MYH13: variants seen among roughly 807,000 people sequenced by gnomAD.
The protein encoded by MYH13 is myosin-13.
Under a neutral mutation model 232.1 loss-of-function variants are expected in MYH13, and 177 were observed. The ratio of observed to expected loss-of-function variants is 0.76; its 90% CI spans 0.67 to 0.86. The LOEUF is 0.86. MYH13 is among the 40% of genes least tolerant of loss of function. The pLI is 0.00. For synonymous variants in MYH13, 884 were observed against 923.5 expected (o/e 0.96, Z 0.78); for missense variants, 2,246 against 2,405.9 (o/e 0.93, Z 1.39).
chr17:10,345,689 T>C, intron 13 of MYH13, 73 bp from the exon 14 acceptor site: 1 of 1,610,188 alleles, frequency 6.2e-7, no homozygotes, highest in Non-Finnish European at 8.5e-7. Flanking sequence ...ACATATGAAA[T>C]TGACTCGAAA....
intron 40 of MYH13, 26 bp downstream of exon 40, chr17:10,301,543 C>T (rs750891514): frequency 8.1e-6 from 13 of 1,613,646 alleles, no homozygotes; most frequent in African/African-American, 6.7e-5. Context: ...TTAGCTGGCC[C>T]CTATATCTCA....
chr17:10,367,986 G>A (rs1020720864), intron 2 of MYH13, among the ~76,000 whole-genome samples: 6 of 152,242 alleles, frequency 3.9e-5, no homozygotes, highest in Admixed American at 1.3e-4. Flanking sequence ...TAAACATTTT[G>A]TACTCTGTTA....
chr17:10,338,702 T>TTTTTTTTG (rs1555550859), intron 18 of MYH13, among the ~76,000 whole-genome samples: 2 of 142,448 alleles, frequency 1.4e-5, no homozygotes, highest in Non-Finnish European at 3.0e-5. Context: ...TTTTTTTTTT[T>TTTTTTTTG]TTTGTTTGTT....
intron 23 of MYH13, among the ~76,000 whole-genome samples, chr17:10,323,806 A>G (rs1201605817): frequency 6.1e-5 from 9 of 147,820 alleles, no homozygotes; most frequent in African/African-American, 1.8e-4. Context: ...GAAGAAGAAG[A>G]AGAAGAAGAA....
At chr17:10,320,116 G>T in intron 26 of MYH13, 37 bp downstream of exon 26, 2 of 1,502,646 alleles carry the variant, frequency 1.3e-6, no homozygotes, top group East Asian at 2.4e-5. Context: ...CTCTTGCAAA[G>T]GGATTGTCAT....
intron 23 of MYH13, among the ~76,000 whole-genome samples, chr17:10,322,946 T>C (rs1907027220): frequency 6.6e-6 from 1 of 152,148 alleles, no homozygotes; most frequent in Admixed American, 6.6e-5. Context: ...TATTTCATTT[T>C]CTTACATTTT....
At chr17:10,360,299 CA>C in intron 5 of MYH13, 111 bp from the exon 6 acceptor site, 1 of 1,248,850 alleles carries the variant, frequency 8.0e-7, no homozygotes, top group Admixed American at 2.0e-5. Context: ...ATGTCTTTGC[CA>C]TTAACCACTG....
At chr17:10,305,066 C>A (rs1906229903) in intron 37 of MYH13, among the ~76,000 whole-genome samples, 4 of 152,340 alleles carry the variant, frequency 2.6e-5, no homozygotes, top group African/African-American at 7.2e-5. Context: ...CACCCTCCAC[C>A]TCCTGGACCC....
intron 32 of MYH13, among the ~76,000 whole-genome samples, chr17:10,311,480 G>C (rs1906507704): frequency 6.6e-6 from 1 of 152,204 alleles, no homozygotes; most frequent in African/African-American, 2.4e-5. Flanking sequence ...TCATAGAGAA[G>C]ACCAGAGAAA....
chr17:10,348,248 C>T (rs1311726404), intron 12 of MYH13, among the ~76,000 whole-genome samples: 1 of 152,224 alleles, frequency 6.6e-6, no homozygotes, highest in Non-Finnish European at 1.5e-5. Flanking sequence ...TTGCCCCTGA[C>T]ATTCCTTTGT....
intron 18 of MYH13, among the ~76,000 whole-genome samples, chr17:10,335,278 A>G (rs1271485404): frequency 1.3e-5 from 2 of 152,200 alleles, no homozygotes; most frequent in African/African-American, 4.8e-5. Flanking sequence ...CCCATATGAA[A>G]CAGATGAATT....
chr17:10,335,290 T>C (rs1012973385), intron 18 of MYH13, among the ~76,000 whole-genome samples: 2 of 152,208 alleles, frequency 1.3e-5, no homozygotes, highest in Non-Finnish European at 2.9e-5. Flanking sequence ...AGATGAATTT[T>C]GTGTTTAGAC....
chr17:10,323,882 C>G (rs1419838403), intron 23 of MYH13, 140 bp downstream of exon 23: 1 of 1,090,192 alleles, frequency 9.2e-7, no homozygotes, highest in Non-Finnish European at 1.3e-6. Context: ...TGGGACTTAA[C>G]TACCCTTCAC....
chr17:10,322,697 A>AT lies in MYH13; in HGVS notation c.2935-990_2935-989insA, dbSNP rs1567660808. On this transcript the variant is annotated intron_variant, in intron 23 of 40. Coordinates refer to ENST00000252172, the MANE Select transcript of MYH13 (RefSeq NM_003802.3). ...CGCCCAGGCTGGAGTGCAGTGGCGC[A>AT]GTCTCAGCTCACTGCAAGCTCCGCC... Among the ~76,000 whole-genome samples the AT allele has an allele frequency of 5.9e-5, 8 of 136,556 alleles. No individual in the cohort carries two copies. The East Asian group carries it at 1.7e-3, about 29-fold the overall frequency. 89.6% of individuals were successfully genotyped at this position (136,556 alleles called of 152,430 possible). A position where few individuals can be genotyped will look rare whatever the true frequency, so the allele number is the denominator to read the frequency against.
intron 38 of MYH13, 34 bp from the exon 39 acceptor site, chr17:10,303,325 A>C (rs1567653854): frequency 6.2e-7 from 1 of 1,613,372 alleles, no homozygotes; most frequent in South Asian, 1.1e-5. Context: ...GGGGCCCGCA[A>C]ACCTATGGTC....
At position 10,306,690 on chromosome 17, in the gene MYH13, A is replaced by C; in HGVS notation, c.5296-61T>G. The C allele has an allele frequency of 1.2e-6, 2 of 1,602,332 alleles. No homozygotes were observed. The highest frequency in any genetic ancestry group is 4.5e-5 in the East Asian group (2 of 44,814). On this transcript the variant is annotated intron_variant, in intron 36 of 40. Coordinates refer to ENST00000252172, the MANE Select transcript of MYH13 (RefSeq NM_003802.3). The surrounding 1 kb of genome is among the most constrained non-coding windows in gnomAD (Gnocchi z 4.3). ...CCGCCCATCCCTACCCAGAGCTTGC[A>C]GAAGAGGCGAAGGCTGGGATCATGG... is the stretch of plus-strand genomic sequence containing the variant.
chr17:10,332,998 A>G lies in MYH13; in HGVS notation c.2174+76T>C. 6 of 1,179,874 alleles carry G rather than the reference A, an allele frequency of 5.1e-6. No homozygotes were observed. The South Asian group carries it at 8.1e-5, about 16-fold the overall frequency. The allele number at this position is 1,179,874 out of a possible 1,614,324, so 73.1% of individuals were successfully genotyped here. A position where few individuals can be genotyped will look rare whatever the true frequency, so the allele number is the denominator to read the frequency against. On this transcript the variant is annotated intron_variant, in intron 19 of 40. Transcript: ENST00000252172. ...GGACTTGGGAGCTCACCAAATACCC[A>G]GGTCAAGAAATGTCTTAGGGAAATG...
intron 27 of MYH13, among the ~76,000 whole-genome samples, chr17:10,318,393 T>C (rs1349933131): frequency 6.6e-6 from 1 of 152,032 alleles, no homozygotes; most frequent in Admixed American, 6.6e-5. Context: ...CCCTTATGAA[T>C]GGGATTAGTG....
chr17:10,313,130 T>A (rs1402456532), intron 30 of MYH13, 28 bp downstream of exon 30: 1 of 1,613,846 alleles, frequency 6.2e-7, no homozygotes, highest in Non-Finnish European at 8.5e-7. Context: ...TCGGGCCCCC[T>A]CTGCTATTGC....
Sources: allele counts gnomAD v4.1 joint callset (sites outside exome capture counted in the v4.1 genomes callset), GRCh38; gene constraint gnomAD v4.1.1; non-coding constraint Gnocchi (gnomAD v3.1); transcripts MANE v1.5; gene names NCBI Gene and HGNC (gene_info 2026-07-23, HGNC 2026-07-21).